EHMT1: variants seen among roughly 807,000 people sequenced by gnomAD.
The protein encoded by EHMT1 is histone-lysine N-methyltransferase EHMT1.
A neutral mutation model predicts 147.2 loss-of-function variants in EHMT1; 15 were observed. That is an observed-to-expected ratio of 0.10 (90% CI 0.07 to 0.16). The LOEUF (loss-of-function observed/expected upper bound fraction) is 0.16, where lower values mean the gene tolerates loss of function less well. Among genes scored for constraint, EHMT1 ranks in the 10% least tolerant of loss-of-function variants. The pLI is 1.00. For synonymous variants in EHMT1, 795 were observed against 709.6 expected, an observed-to-expected ratio of 1.12 and a Z score of -1.91; for missense variants, 1,587 against 1,772.4, an observed-to-expected ratio of 0.90 and a Z score of 1.88.
chr9:137,669,247 T>C (rs1940116403), intron 1 of EHMT1, among the ~76,000 whole-genome samples: 1 of 150,744 alleles, frequency 6.6e-6, no homozygotes, highest in Non-Finnish European at 1.5e-5. Flanking sequence ...CCTGCACCCT[T>C]CTCGCCCAGT....
At chr9:137,676,682 G>A (rs563920043) in intron 1 of EHMT1, among the ~76,000 whole-genome samples, 2 of 152,366 alleles carry the variant, frequency 1.3e-5, no homozygotes, top group Admixed American at 1.3e-4. Flanking sequence ...GCCCACAGGG[G>A]ACTGGAGTCC....
intron 22 of EHMT1, 155 bp from the exon 23 acceptor site, chr9:137,815,792 G>A (rs1954872314): frequency 5.7e-6 from 4 of 706,322 alleles, no homozygotes; most frequent in Admixed American, 2.0e-5. Context: ...CGTACACATG[G>A]AGTTTTTCCC....
Position 137,813,837 on chromosome 9 carries a change from C to T in EHMT1, c.3180+307C>T, listed in dbSNP as rs1211398651. On this transcript the variant is annotated intron_variant, in intron 21 of 26. Transcript: ENST00000460843. The surrounding 1 kb of genome is among the most constrained non-coding windows in gnomAD (Gnocchi z 4.9). ...TCAGGGGCCCCGGTGTGGCTTCGTG[C>T]TGGGGGCACAGGCGAGAGGAGCCCT... Among the ~76,000 whole-genome samples, 1 of 152,168 alleles carries T rather than the reference C, an allele frequency of 6.6e-6. No homozygotes were observed. Among genetic ancestry groups the T allele is most frequent in the Non-Finnish European group, 1.5e-5 (1 of 68,034 alleles).
At position 137,811,661 on chromosome 9, in the gene EHMT1, T is replaced by G. The variant is rs1233884065; in HGVS notation, c.2867+46T>G. 3 of 1,598,538 alleles carry G rather than the reference T, an allele frequency of 1.9e-6. No individual in the cohort carries two copies. The Admixed American group carries it at 5.0e-5, about 27-fold the overall frequency. ...AGCGCGGGCTGGCGCTGACCTGACC[T>G]GGGCGCCCAGAGAGACCGCTTGACA... is the stretch of plus-strand genomic sequence containing the variant. On this transcript the variant is annotated intron_variant, in intron 19 of 26. Transcript: ENST00000460843.
chr9:137,644,441 C>G (rs183411389), intron 1 of EHMT1, among the ~76,000 whole-genome samples: 12 of 152,054 alleles, frequency 7.9e-5, no homozygotes, highest in Admixed American at 7.9e-4. Context: ...TCTCCTTCCT[C>G]AGCCTCCCGA....
chr9:137,654,532 A>G (rs1938229942), intron 1 of EHMT1, among the ~76,000 whole-genome samples: 1 of 152,134 alleles, frequency 6.6e-6, no homozygotes, highest in East Asian at 1.9e-4. Flanking sequence ...GTAAGTTTTG[A>G]AATGGAGAGG....
At chr9:137,806,441 CT>C (rs953799687) in intron 18 of EHMT1, among the ~76,000 whole-genome samples, 54 of 145,106 alleles carry the variant, frequency 3.7e-4, no homozygotes, top group Admixed American at 2.8e-4. Flanking sequence ...GCTCTTGCAG[CT>C]TTTTTTTTTT....
chr9:137,642,270 C>G (rs1389711321), intron 1 of EHMT1, among the ~76,000 whole-genome samples: 1 of 152,110 alleles, frequency 6.6e-6, no homozygotes, highest in Non-Finnish European at 1.5e-5. Context: ...CGTCTTCTGT[C>G]TTTTTTGTTA....
At chr9:137,635,662 T>A (rs1247201289) in intron 1 of EHMT1, among the ~76,000 whole-genome samples, 3 of 150,804 alleles carry the variant, frequency 2.0e-5, no homozygotes, top group African/African-American at 7.3e-5. Context: ...CTACTAAAAA[T>A]ACAAAAAATT....
chr9:137,746,414 C>T (rs374196700), intron 6 of EHMT1: 9 of 152,200 alleles, frequency 5.9e-5, no homozygotes, highest in African/African-American at 1.9e-4. Flanking sequence ...CACGCCCAGC[C>T]GATTTTGTCT....
chr9:137,745,731 A>G, intron 6 of EHMT1: 1 of 394,312 alleles, frequency 2.5e-6, no homozygotes, highest in East Asian at 3.6e-5. Context: ...AGGGGTATTC[A>G]GTGTCACAGT....
intron 1 of EHMT1, among the ~76,000 whole-genome samples, chr9:137,674,298 C>T (rs1941008205): frequency 6.6e-6 from 1 of 152,334 alleles, no homozygotes; most frequent in African/African-American, 2.4e-5. Context: ...GACCAAATTC[C>T]AGGTGCCGAA....
At chr9:137,658,789 A>C (rs1938758906) in intron 1 of EHMT1, among the ~76,000 whole-genome samples, 1 of 151,896 alleles carries the variant, frequency 6.6e-6, no homozygotes, top group Non-Finnish European at 1.5e-5. Flanking sequence ...TTTTTAAAAA[A>C]TTATGTGTGT....
At chr9:137,658,450 G>C (rs186272482) in intron 1 of EHMT1, among the ~76,000 whole-genome samples, 52 of 151,822 alleles carry the variant, frequency 3.4e-4, no homozygotes, top group African/African-American at 1.1e-3. Context: ...CGCACCCAGC[G>C]CCCAGAATGG....
At chr9:137,803,414 T>G in intron 18 of EHMT1, 1 of 568,998 alleles carries the variant, frequency 1.8e-6, no homozygotes, top group Non-Finnish European at 2.2e-6. Flanking sequence ...CTGGGCTTTC[T>G]GTTGTCTGCG....
In EHMT1 at chr9:137,717,073, C is replaced by T; in HGVS notation, c.533C>T (p.Thr178Ile). 1 of 1,610,730 alleles carries T rather than the reference C, an allele frequency of 6.2e-7. No homozygotes were observed. Among genetic ancestry groups the T allele is most frequent in the East Asian group, 2.2e-5 (1 of 44,820 alleles). Reference sequence around the variant, plus strand: ...CAGACGCCAGCCGCCCCACCAGCCACCCTTGGGGAGGGGAGTGCTGACACA... The same window carrying T: ...CAGACGCCAGCCGCCCCACCAGCCATCCTTGGGGAGGGGAGTGCTGACACA... The part of the protein sequence containing the change: ...FPQTPAAPPA[T>I]LGEGSADTED... Residue 178 changes from threonine (T) to isoleucine (I), a missense_variant, in exon 3 of 27, where the codon ACC becomes ATC. Physicochemically the swap from Thr to Ile is moderately conservative, Grantham distance 89. Transcript: ENST00000460843.
chr9:137,768,506 A>G (rs1213905412), intron 10 of EHMT1, among the ~76,000 whole-genome samples: 1 of 125,516 alleles, frequency 8.0e-6, no homozygotes, highest in Non-Finnish European at 1.6e-5. Flanking sequence ...GATGTGCGCC[A>G]CCACGCCCGG....
chr9:137,831,924 C>T (rs1205001553), intron 25 of EHMT1, among the ~76,000 whole-genome samples: 2 of 151,750 alleles, frequency 1.3e-5, no homozygotes, highest in African/African-American at 2.4e-5. Flanking sequence ...GCTGGGCTCC[C>T]TCCACAGGCT....
chr9:137,689,602 C>T (rs1942760237), intron 1 of EHMT1, among the ~76,000 whole-genome samples: 2 of 152,136 alleles, frequency 1.3e-5, no homozygotes, highest in African/African-American at 4.8e-5. Flanking sequence ...ACTCAGGAGG[C>T]TGAGGCAGGA....
Sources: allele counts gnomAD v4.1 joint callset (sites outside exome capture counted in the v4.1 genomes callset), GRCh38; gene constraint gnomAD v4.1.1; non-coding constraint Gnocchi (gnomAD v3.1); transcripts MANE v1.5; gene names NCBI Gene and HGNC (gene_info 2026-07-23, HGNC 2026-07-21).